PLAGL1: variants seen among roughly 807,000 people sequenced by gnomAD.
The protein encoded by PLAGL1 is zinc finger protein PLAGL1.
PLAGL1 carries 1 observed loss-of-function variant against 4.6 expected under a neutral mutation model. The ratio of observed to expected loss-of-function variants is 0.22; its 90% CI spans 0.08 to 1.03. The LOEUF is 1.03. Among genes scored for constraint, PLAGL1 ranks in the 50% least tolerant of loss-of-function variants. PLAGL1 has a pLI of 0.58. For synonymous variants in PLAGL1, 240 were observed against 237.8 expected, an observed-to-expected ratio of 1.01 and a Z score of -0.08; for missense variants, 464 against 570.4, an observed-to-expected ratio of 0.81 and a Z score of 1.90.
intron 1 of PLAGL1, among the ~76,000 whole-genome samples, chr6:144,033,848 C>A (rs548910030): frequency 6.6e-6 from 1 of 152,204 alleles, no homozygotes; most frequent in Admixed American, 6.5e-5. Flanking sequence ...AAGATATGAC[C>A]CATAACTAGA....
chr6:144,018,255 T>A (rs1391914756), intron 1 of PLAGL1, among the ~76,000 whole-genome samples: 1 of 152,202 alleles, frequency 6.6e-6, no homozygotes, highest in Non-Finnish European at 1.5e-5. Flanking sequence ...GAGGACATTA[T>A]GTTAAGTGAA....
In PLAGL1 at chr6:143,947,861, T is replaced by A. The variant is rs770217385; in HGVS notation, c.152+124A>T. 2.6e-5 allele frequency: 18 copies of A among 702,074 alleles called. 1 individual carries two copies. Among genetic ancestry groups the A allele is most frequent in the Non-Finnish European group, 4.3e-5 (18 of 420,214 alleles). The allele number at this position is 702,074 out of a possible 1,614,324, so 43.5% of individuals were successfully genotyped here. A position where few individuals can be genotyped will look rare whatever the true frequency, so the allele number is the denominator to read the frequency against. ...AATCACTGGATGCAGATTTCAAGAA[T>A]CCCTCAAAGGCTAAAATGCATCCAT... On this transcript the variant is annotated intron_variant, in intron 7 of 7. Transcript: ENST00000674357. This position sits in a 1 kb window ranked among gnomAD's most constrained non-coding sequence, Gnocchi z 4.3.
In PLAGL1 at chr6:144,061,324, T is replaced by C. The variant is rs1799383970; in HGVS notation, c.-151+3144A>G. On this transcript the variant is annotated intron_variant, in intron 1 of 3. Coordinates refer to the PLAGL1 transcript ENST00000437412. The surrounding 1 kb of genome is among the most constrained non-coding windows in gnomAD (Gnocchi z 4.4). ...TCAGTCTCTTCCAATTCCAATTTCT[T>C]TCTACAACTGGAACAGGACAGTCTA... is the stretch of plus-strand genomic sequence containing the variant. Among the ~76,000 whole-genome samples the C allele has an allele frequency of 6.6e-6, 1 of 152,208 alleles. No homozygotes were observed. Among genetic ancestry groups the C allele is most frequent in the South Asian group, 2.1e-4 (1 of 4,832 alleles).
rs534025179 is a variant in PLAGL1 at position 144,001,072 on chromosome 6, G to A, written c.-584+7018C>T. On this transcript the variant is annotated intron_variant, in intron 1 of 7. Coordinates refer to ENST00000674357, the MANE Select transcript of PLAGL1 (RefSeq NM_001317162.2). Reference sequence around the variant, plus strand: ...TTTCTAATACCATCCTCCAATAAAAGGAATCAAGACATTTTGGAGAAATGG... The same window carrying A: ...TTTCTAATACCATCCTCCAATAAAAAGAATCAAGACATTTTGGAGAAATGG... 2.0e-5 allele frequency among the ~76,000 whole-genome samples: 3 copies of A among 151,888 alleles called. No homozygotes were observed. In the South Asian group the frequency reaches 6.2e-4, roughly 32 times the overall value.
Position 143,996,401 on chromosome 6 carries a change from A to G in PLAGL1, c.-583-11227T>C, listed in dbSNP as rs147614645. On this transcript the variant is annotated intron_variant, in intron 1 of 7. Coordinates refer to ENST00000674357, the MANE Select transcript of PLAGL1 (RefSeq NM_001317162.2). ...CTTGTAAACAGAAAGTATGGCAAAG[A>G]CTGCCAATTTTCTCTGATATCCATT... 5.4e-4 allele frequency among the ~76,000 whole-genome samples: 82 copies of G among 152,316 alleles called. 1 individual carries two copies. Among genetic ancestry groups the G allele is most frequent in the African/African-American group, 1.9e-3 (77 of 41,578 alleles).
Position 144,055,184 on chromosome 6 carries a change from C to T in PLAGL1, c.-151+9284G>A, listed in dbSNP as rs1053279173. ...ACGGAGAGGCATATCCACAGATATT[C>T]ATATCCACAGATATTCATGAAAACA... On this transcript the variant is annotated intron_variant, in intron 1 of 3. Coordinates refer to the PLAGL1 transcript ENST00000437412. The surrounding 1 kb of genome is among the most constrained non-coding windows in gnomAD (Gnocchi z 5.0). Among the ~76,000 whole-genome samples, 8 of 104,994 alleles carry T rather than the reference C, an allele frequency of 7.6e-5. No individual in the cohort carries two copies. The highest frequency in any genetic ancestry group is 2.2e-4 in the African/African-American group (8 of 35,848). 68.9% of individuals were successfully genotyped at this position (104,994 alleles called of 152,430 possible). A position where few individuals can be genotyped will look rare whatever the true frequency, so the allele number is the denominator to read the frequency against.
chr6:144,063,212 A>G lies in PLAGL1; in HGVS notation c.-151+1256T>C, dbSNP rs991306742. Among the ~76,000 whole-genome samples the G allele has an allele frequency of 1.1e-4, 16 of 152,108 alleles. No individual in the cohort carries two copies. The highest frequency in any genetic ancestry group is 3.9e-4 in the African/African-American group (16 of 41,422). ...TGCACCGGAACTTTGTAGTATTCCA[A>G]TTTCTCCCCTTTCCACACACTTCCA... On this transcript the variant is annotated intron_variant, in intron 1 of 3. Transcript: ENST00000437412. This position sits in a 1 kb window ranked among gnomAD's most constrained non-coding sequence, Gnocchi z 5.7.
In PLAGL1 at chr6:143,942,169, A is replaced by C. The variant is rs1372934470; in HGVS notation, c.647T>G (p.Leu216Trp). 2.5e-6 allele frequency: 4 copies of C among 1,614,150 alleles called. No homozygotes were observed. The highest frequency in any genetic ancestry group is 1.1e-5 in the South Asian group (1 of 91,082). Residue 216 changes from leucine to tryptophan, a missense_variant, in exon 8 of 8, where the codon TTG becomes TGG. Physicochemically the swap from Leu to Trp is moderately conservative, Grantham distance 61 (BLOSUM62 -2). This residue lies in a region of PLAGL1 where 248 missense variants were observed against 250.1 expected (regional missense o/e 0.99). Transcript: ENST00000674357. This position sits in a 1 kb window ranked among gnomAD's most constrained non-coding sequence, Gnocchi z 7.6. ...THSQELMKES[L>W]QTGDLLSTFH... ...GGTGCTCAGAAGGTCTCCGGTCTGCAAGCTCTCTTTCATCAGCTCCTGTGA... is the reference window on the plus strand; with the variant it reads ...GGTGCTCAGAAGGTCTCCGGTCTGCCAGCTCTCTTTCATCAGCTCCTGTGA...
At chr6:144,011,891 T>C (rs1192886192), upstream of PLAGL1, among the ~76,000 whole-genome samples, 2 of 152,216 alleles carry the variant, frequency 1.3e-5, no homozygotes, top group African/African-American at 4.8e-5. This position sits in a 1 kb window ranked among gnomAD's most constrained non-coding sequence, Gnocchi z 4.3. Flanking sequence ...TGGGAAACTT[T>C]CCTGCCTCTG....
intron 1 of PLAGL1, among the ~76,000 whole-genome samples, chr6:144,060,992 G>A (rs1799347688): frequency 1.3e-5 from 2 of 152,176 alleles, no homozygotes; most frequent in Non-Finnish European, 2.9e-5. Flanking sequence ...CTTCCTTATA[G>A]CTTTTCCACC....
intron 1 of PLAGL1, among the ~76,000 whole-genome samples, chr6:143,996,003 A>T (rs1791525601): frequency 6.6e-6 from 1 of 152,164 alleles, no homozygotes; most frequent in African/African-American, 2.4e-5. Flanking sequence ...CCAAAACCAA[A>T]AACGGTTTAA....
rs149353670 is a variant in PLAGL1 at position 144,041,359 on chromosome 6, T to C, written c.-151+23109A>G. Among the ~76,000 whole-genome samples, 108 of 149,140 alleles carry C rather than the reference T, an allele frequency of 7.2e-4. 3 individuals carry two copies. In the East Asian group the frequency reaches 9.0e-3, roughly 12 times the overall value. ...GCCCCCACCCCACACCAGGCCCCAG[T>C]GTATGATGTTCCCCACCCTGTGTCC... is the stretch of plus-strand genomic sequence containing the variant. On this transcript the variant is annotated intron_variant, in intron 1 of 3. Transcript: ENST00000437412.
Position 143,989,390 on chromosome 6 carries a change from C to T in PLAGL1, c.-583-4216G>A, listed in dbSNP as rs988236209. 1.3e-5 allele frequency among the ~76,000 whole-genome samples: 2 copies of T among 152,126 alleles called. No individual in the cohort carries two copies. The highest frequency in any genetic ancestry group is 6.5e-5 in the Admixed American group (1 of 15,284). On this transcript the variant is annotated intron_variant, in intron 1 of 7. Coordinates refer to ENST00000674357, the MANE Select transcript of PLAGL1 (RefSeq NM_001317162.2). The surrounding 1 kb of genome is among the most constrained non-coding windows in gnomAD (Gnocchi z 4.8). The stretch of plus-strand genomic sequence containing the variant: ...AATCAACACTTGTGTTGGTGGAGTT[C>T]GGAGCATACCACCCTCCCAAATATG...
upstream of PLAGL1, among the ~76,000 whole-genome samples, chr6:144,009,712 C>G (rs1310138045): frequency 1.3e-5 from 2 of 150,806 alleles, no homozygotes; most frequent in Admixed American, 1.3e-4. Context: ...TGTTCCCCTC[C>G]CTGAGTCCAT....
chr6:143,944,207 C>G (rs1779262024), intron 7 of PLAGL1, among the ~76,000 whole-genome samples: 1 of 152,114 alleles, frequency 6.6e-6, no homozygotes, highest in Non-Finnish European at 1.5e-5. Context: ...CTCTTTAAGA[C>G]AGTATGTTTA....
In PLAGL1 at chr6:144,036,814, G is replaced by T; in HGVS notation, c.-151+27654C>A. 3.1e-6 allele frequency: 1 copy of T among 327,814 alleles called. No individual in the cohort carries two copies. Among genetic ancestry groups the T allele is most frequent in the South Asian group, 2.6e-5 (1 of 38,404 alleles). 20.3% of individuals were successfully genotyped at this position (327,814 alleles called of 1,614,324 possible). ...CTAAATGCCCATTATGACACTATTT[G>T]ACTAAACAGGTTTGAAATACTCTGG... is the stretch of plus-strand genomic sequence containing the variant. On this transcript the variant is annotated intron_variant, in intron 1 of 3. Coordinates refer to the PLAGL1 transcript ENST00000437412. This position sits in a 1 kb window ranked among gnomAD's most constrained non-coding sequence, Gnocchi z 5.1.
rs1489447364 is a variant in PLAGL1, at chr6:143,962,945, G to A, written c.-399+1842C>T. ...ATATGTTTTATTTTATTTTCCAGATGGAAAGGAGCCCACCTGATTTGGTAG... is the reference window on the plus strand; with the variant it reads ...ATATGTTTTATTTTATTTTCCAGATAGAAAGGAGCCCACCTGATTTGGTAG... On this transcript the variant is annotated intron_variant, in intron 5 of 7. Coordinates refer to ENST00000674357, the MANE Select transcript of PLAGL1 (RefSeq NM_001317162.2). The surrounding 1 kb of genome is among the most constrained non-coding windows in gnomAD (Gnocchi z 5.3). Among the ~76,000 whole-genome samples, 1 of 152,180 alleles carries A rather than the reference G, an allele frequency of 6.6e-6. No individual in the cohort carries two copies. Among genetic ancestry groups the A allele is most frequent in the East Asian group, 1.9e-4 (1 of 5,188 alleles).
rs1791462000 is a variant in PLAGL1 at position 143,995,709 on chromosome 6, T to C, written c.-583-10535A>G. The stretch of plus-strand genomic sequence containing the variant: ...ATCTGAAATATAAGGATTTTTTTTT[T>C]CCTGAAGACTAAAGGAAGAAAGATC... On this transcript the variant is annotated intron_variant, in intron 1 of 7. Coordinates refer to ENST00000674357, the MANE Select transcript of PLAGL1 (RefSeq NM_001317162.2). The surrounding 1 kb of genome is among the most constrained non-coding windows in gnomAD (Gnocchi z 4.4). Among the ~76,000 whole-genome samples, 1 of 152,122 alleles carries C rather than the reference T, an allele frequency of 6.6e-6. No homozygotes were observed. Among genetic ancestry groups the C allele is most frequent in the Non-Finnish European group, 1.5e-5 (1 of 68,016 alleles).
rs567564740 is a variant in PLAGL1, at chr6:143,949,643, C to G, written c.-324-1183G>C. On this transcript the variant is annotated intron_variant, in intron 6 of 7. Coordinates refer to ENST00000674357, the MANE Select transcript of PLAGL1 (RefSeq NM_001317162.2). The surrounding 1 kb of genome is among the most constrained non-coding windows in gnomAD (Gnocchi z 5.3). ...GGGCAAATGCTCACCTTTCAAGTGC[C>G]AATACTTAAAAAAATTAAGAGTACT... 6.6e-6 allele frequency among the ~76,000 whole-genome samples: 1 copy of G among 152,224 alleles called. No individual in the cohort carries two copies. The highest frequency in any genetic ancestry group is 6.5e-5 in the Admixed American group (1 of 15,286).
Sources: gnomAD v4.1 joint callset for allele counts (sites outside exome capture counted in the v4.1 genomes callset) on GRCh38, gnomAD v4.1.1 for gene constraint, gnomAD v4.1.1 regional missense constraint, Gnocchi (gnomAD v3.1) non-coding constraint, MANE v1.5 for transcripts, NCBI Gene and HGNC (gene_info 2026-07-23, HGNC 2026-07-21) for gene names.